The following CNTNAP2 variants were observed in gnomAD, a reference collection of about 807,000 sequenced individuals.
The protein encoded by CNTNAP2 is contactin associated protein 2, also known as contactin-associated protein-like 2.
In CNTNAP2, 98 loss-of-function variants were observed where a neutral mutation model predicts 155.2. The observed-to-expected ratio is 0.63, with a 90% CI of 0.54 to 0.75. The LOEUF is 0.75. Ranked by LOEUF, CNTNAP2 falls within the 30% of genes least tolerant of loss-of-function variation. The pLI, the probability that CNTNAP2 is intolerant of heterozygous loss-of-function variation, is 0.00. For missense variants in CNTNAP2, 1,727 were observed against 1,688.1 expected, an observed-to-expected ratio of 1.02 and a Z score of -0.40; for synonymous variants, 651 against 631.2, an observed-to-expected ratio of 1.03 and a Z score of -0.47.
chr7:147,572,386 A>T (rs1405205284), intron 12 of CNTNAP2, among the ~76,000 whole-genome samples: 1 of 150,658 alleles, frequency 6.6e-6, no homozygotes, highest in Non-Finnish European at 1.5e-5. Flanking sequence ...ACAAGACCCC[A>T]GGTGAAATCA....
chr7:147,297,172 C>T (rs549140818), intron 8 of CNTNAP2, among the ~76,000 whole-genome samples: 2 of 151,438 alleles, frequency 1.3e-5, no homozygotes, highest in East Asian at 4.0e-4. Flanking sequence ...TCAGCAACTC[C>T]AATGCTATTT....
chr7:147,709,833 A>T (rs899390975), intron 13 of CNTNAP2, among the ~76,000 whole-genome samples: 1 of 152,168 alleles, frequency 6.6e-6, no homozygotes, highest in Non-Finnish European at 1.5e-5. Context: ...TTATCTTTAC[A>T]AATCAGTGTA....
intron 3 of CNTNAP2, among the ~76,000 whole-genome samples, chr7:146,998,049 C>G (rs1274842246): frequency 6.6e-6 from 1 of 151,686 alleles, no homozygotes; most frequent in Admixed American, 6.6e-5. Flanking sequence ...TATTTTTGCT[C>G]TATCTTTATT....
At chr7:147,711,618 G>A (rs1796401383) in intron 13 of CNTNAP2, among the ~76,000 whole-genome samples, 1 of 152,212 alleles carries the variant, frequency 6.6e-6, no homozygotes, top group Non-Finnish European at 1.5e-5. Flanking sequence ...GAAAACAGCT[G>A]CCAGAGCAGC....
At chr7:147,309,878 A>G (rs2692174) in intron 9 of CNTNAP2, among the ~76,000 whole-genome samples, 74,468 of 151,840 alleles carry the variant, frequency 0.49, 19,445 homozygotes, top group East Asian at 0.73. Flanking sequence ...CTTTTAATAC[A>G]AAAAAATTTT....
chr7:147,584,848 G>C (rs1800586479), intron 12 of CNTNAP2, among the ~76,000 whole-genome samples: 1 of 152,116 alleles, frequency 6.6e-6, no homozygotes, highest in Admixed American at 6.6e-5. Flanking sequence ...GTGGCCTCTT[G>C]GGGAAGCCTC....
intron 9 of CNTNAP2, among the ~76,000 whole-genome samples, chr7:147,335,636 G>T (rs1024631914): frequency 1.3e-5 from 2 of 152,056 alleles, no homozygotes; most frequent in African/African-American, 2.4e-5. Flanking sequence ...GAAATCTTGC[G>T]ATCAAAGCCA....
At chr7:146,231,933 C>A (rs1318461803) in intron 1 of CNTNAP2, among the ~76,000 whole-genome samples, 1 of 152,186 alleles carries the variant, frequency 6.6e-6, no homozygotes, top group Admixed American at 6.5e-5. Context: ...CTAGAATAAA[C>A]CATGCAAACA....
intron 13 of CNTNAP2, among the ~76,000 whole-genome samples, chr7:147,745,589 T>C (rs1797025785): frequency 6.6e-6 from 1 of 152,226 alleles, no homozygotes; most frequent in African/African-American, 2.4e-5. Flanking sequence ...CATGAAACTG[T>C]AATGCGATTT....
At chr7:147,492,881 T>G (rs528757452) in intron 11 of CNTNAP2, among the ~76,000 whole-genome samples, 74 of 152,300 alleles carry the variant, frequency 4.9e-4, no homozygotes, top group Admixed American at 4.2e-3. Context: ...CTGTGCTATC[T>G]TGGTTTTGTG....
intron 9 of CNTNAP2, among the ~76,000 whole-genome samples, chr7:147,390,329 G>C (rs908306127): frequency 1.3e-5 from 2 of 152,130 alleles, no homozygotes; most frequent in African/African-American, 4.8e-5. Context: ...GTTATATATT[G>C]CTGCATAGTG....
intron 1 of CNTNAP2, among the ~76,000 whole-genome samples, chr7:146,322,634 C>CTTTTTTTTCTTT (rs1801025459): frequency 1.5e-5 from 1 of 64,964 alleles, no homozygotes; most frequent in African/African-American, 5.6e-5. Flanking sequence ...TGTTCATTCT[C>CTTTTTTTTCTTT]TTTTTTTTTT....
intron 9 of CNTNAP2, among the ~76,000 whole-genome samples, chr7:147,373,518 T>A (rs1584907653): frequency 6.6e-6 from 1 of 152,148 alleles, no homozygotes; most frequent in East Asian, 1.9e-4. Flanking sequence ...TTTTGACAGC[T>A]TAAACCCAAT....
chr7:146,415,928 A>C (rs930649645), intron 1 of CNTNAP2, among the ~76,000 whole-genome samples: 3 of 152,108 alleles, frequency 2.0e-5, no homozygotes, highest in Non-Finnish European at 4.4e-5. Flanking sequence ...AAATAATTTC[A>C]TAATTCCAAG....
At position 148,303,180 on chromosome 7, in the gene CNTNAP2, A is replaced by G. The variant is rs145226682; in HGVS notation, c.3475+36054A>G. On this transcript the variant is annotated intron_variant, in intron 21 of 23. Coordinates refer to ENST00000361727, the MANE Select transcript of CNTNAP2 (RefSeq NM_014141.6). Reference sequence around the variant, plus strand: ...TCCCATACATCCTGAAAATACTAATAGAACAAATATTCCCACTCCTGAAAT... The same window carrying G: ...TCCCATACATCCTGAAAATACTAATGGAACAAATATTCCCACTCCTGAAAT... 5.4e-3 allele frequency among the ~76,000 whole-genome samples: 816 copies of G among 152,314 alleles called. 2 individuals are homozygous for G. Among genetic ancestry groups the G allele is most frequent in the Non-Finnish European group, 7.8e-3 (532 of 68,036 alleles).
chr7:146,975,490 A>G, intron 3 of CNTNAP2, among the ~76,000 whole-genome samples: 1 of 152,102 alleles, frequency 6.6e-6, no homozygotes, highest in East Asian at 1.9e-4. Flanking sequence ...AAACAAAAAA[A>G]ATAGTGGCTC....
rs566240489 is a variant in CNTNAP2 at position 147,677,307 on chromosome 7, G to A, written c.2098+38001G>A. Among the ~76,000 whole-genome samples the A allele has an allele frequency of 3.2e-4, 49 of 151,718 alleles. 2 individuals carry two copies. The highest frequency in any genetic ancestry group is 3.2e-3 in the Middle Eastern group (1 of 316). ...AGCTATTGACCATTTTGTATATCTT[G>A]TTTAGAGAAATTTAGAGTCATGGCT... On this transcript the variant is annotated intron_variant, in intron 13 of 23. Coordinates refer to ENST00000361727, the MANE Select transcript of CNTNAP2 (RefSeq NM_014141.6).
At chr7:147,115,892 C>G (rs576820734) in intron 5 of CNTNAP2, among the ~76,000 whole-genome samples, 4 of 152,236 alleles carry the variant, frequency 2.6e-5, no homozygotes, top group African/African-American at 9.6e-5. Flanking sequence ...AAGGGGCACT[C>G]GGCTTTTTGA....
At chr7:147,643,551 T>C (rs1007200438) in intron 13 of CNTNAP2, 1 of 152,216 alleles carries the variant, frequency 6.6e-6, no homozygotes, top group Non-Finnish European at 1.5e-5. Context: ...AATTGATTTT[T>C]TTTTCCTCCT....
Sources: gnomAD v4.1 joint callset for allele counts (sites outside exome capture counted in the v4.1 genomes callset) on GRCh38, gnomAD v4.1.1 for gene constraint, MANE v1.5 for transcripts, NCBI Gene and HGNC (gene_info 2026-07-23, HGNC 2026-07-21) for gene names.